Variants in INTS3 observed in about 807,000 individuals in gnomAD.
The protein encoded by INTS3 is integrator complex subunit 3.
Under a neutral mutation model 146.3 loss-of-function variants are expected in INTS3, and 34 were observed. The ratio of observed to expected loss-of-function variants is 0.23; its 90% confidence interval spans 0.18 to 0.31. INTS3 has a LOEUF of 0.31. Among genes scored for constraint, INTS3 ranks in the 10% least tolerant of loss-of-function variants. The pLI, the probability that INTS3 is intolerant of heterozygous loss-of-function variation, is 1.00. For synonymous variants in INTS3, 475 were observed against 494.9 expected (o/e 0.96, Z 0.53); for missense variants, 757 against 1,304.2 (o/e 0.58, Z 6.46).
At chr1:153,768,837 T>C in intron 21 of INTS3, 56 bp from the exon 22 acceptor site, 1 of 1,352,372 alleles carries the variant, frequency 7.4e-7, no homozygotes, top group Non-Finnish European at 1.1e-6. Flanking sequence ...GAGTGGGCTA[T>C]GGGATAAAAG....
intron 9 of INTS3, among the ~76,000 whole-genome samples, chr1:153,755,502 C>G (rs1672127237): frequency 6.6e-6 from 1 of 152,112 alleles, no homozygotes; most frequent in Non-Finnish European, 1.5e-5. Context: ...TCAGGTGATC[C>G]ACCTGCCTCA....
intron 3 of INTS3, 90 bp downstream of exon 3, chr1:153,741,458 C>T: frequency 2.1e-6 from 2 of 950,652 alleles, no homozygotes; most frequent in South Asian, 1.3e-5. Flanking sequence ...TAGTATGAAA[C>T]TCTTCGACCA....
intron 3 of INTS3, among the ~76,000 whole-genome samples, chr1:153,746,477 T>G (rs1024354244): frequency 6.6e-6 from 1 of 151,874 alleles, no homozygotes; most frequent in Non-Finnish European, 1.5e-5. Context: ...CTCCGCTCAC[T>G]GCAAACTCCG....
intron 6 of INTS3, chr1:153,750,752 G>A (rs139758937): frequency 7.2e-6 from 2 of 279,326 alleles, no homozygotes; most frequent in African/African-American, 4.4e-5. Flanking sequence ...CATGTTGCTT[G>A]GCACATGATA....
Position 153,772,053 on chromosome 1 carries a change from TG to T in INTS3, c.2720+95del. ...GTGGTGGTGGTGGTGGTGGTGGTGA[TG>T]GGGGTCAGTGCTGTCCCAGCCTGGT... On this transcript the variant is annotated intron_variant, in intron 26 of 29. Transcript: ENST00000318967. The surrounding 1 kb of genome is among the most constrained non-coding windows in gnomAD (Gnocchi z 4.6). 1 of 1,330,792 alleles carries T rather than the reference TG, an allele frequency of 7.5e-7. No homozygotes were observed. Among genetic ancestry groups the T allele is most frequent in the Non-Finnish European group, 1.0e-6 (1 of 972,480 alleles). 82.4% of individuals were successfully genotyped at this position (1,330,792 alleles called of 1,614,324 possible). A position where few individuals can be genotyped will look rare whatever the true frequency, so the allele number is the denominator to read the frequency against.
At chr1:153,752,986 C>G (rs949387467) in intron 8 of INTS3, among the ~76,000 whole-genome samples, 6 of 151,864 alleles carry the variant, frequency 4.0e-5, no homozygotes, top group African/African-American at 1.5e-4. Context: ...AGCTTTGCTC[C>G]CCACCCCACC....
chr1:153,770,574 T>C, intron 24 of INTS3, 111 bp from the exon 25 acceptor site: 1 of 924,024 alleles, frequency 1.1e-6, no homozygotes, highest in Non-Finnish European at 1.7e-6. Context: ...TGGCTCCTCA[T>C]CAAAGACTGT....
intron 3 of INTS3, among the ~76,000 whole-genome samples, chr1:153,745,230 A>C (rs1361634869): frequency 6.8e-6 from 1 of 147,606 alleles, no homozygotes; most frequent in Non-Finnish European, 1.5e-5. Context: ...GATCTTGGCT[A>C]ACTGCAACCT....
intron 9 of INTS3, among the ~76,000 whole-genome samples, chr1:153,755,371 C>G (rs1458073779): frequency 6.6e-6 from 1 of 152,138 alleles, no homozygotes; most frequent in East Asian, 1.9e-4. Context: ...TCAAGTGATT[C>G]TCCTGCCTCA....
chr1:153,771,037 GC>G (rs945565438), intron 25 of INTS3, among the ~76,000 whole-genome samples: 26 of 147,308 alleles, frequency 1.8e-4, no homozygotes, highest in African/African-American at 5.5e-4. Flanking sequence ...TCCCCGCCGC[GC>G]CCCCCCCACC....
At chr1:153,766,288 AT>A (rs1672580674) in intron 20 of INTS3, among the ~76,000 whole-genome samples, 1 of 150,024 alleles carries the variant, frequency 6.7e-6, no homozygotes, top group Non-Finnish European at 1.5e-5. Context: ...CGCCCAGCTA[AT>A]TTTTGTTTTG....
chr1:153,763,835 T>G lies in INTS3; in HGVS notation c.1770T>G (p.Asp590Glu), dbSNP rs1558006166. 8 of 1,613,700 alleles carry G rather than the reference T, an allele frequency of 5.0e-6. No homozygotes were observed. Among genetic ancestry groups the G allele is most frequent in the Non-Finnish European group, 5.1e-6 (6 of 1,179,860 alleles). Reference protein sequence around the residue: ...DKVLQLQKGSDTEAQCEVMQE... With the variant: ...DKVLQLQKGSETEAQCEVMQE... ...TCCTCTCATTTCTGTCCTGCAGTGATACGGAGGCCCAGTGTGAGGTCATGC... is the reference window on the plus strand; with the variant it reads ...TCCTCTCATTTCTGTCCTGCAGTGAGACGGAGGCCCAGTGTGAGGTCATGC... The change falls in exon 17 of 30, where the codon GAT becomes GAG. Residue 590 changes from aspartate to glutamate, a missense_variant. Coordinates refer to ENST00000318967, the MANE Select transcript of INTS3 (RefSeq NM_023015.5).
chr1:153,742,478 C>CTCTGTGTGTGTGTG (rs146023592), intron 3 of INTS3, among the ~76,000 whole-genome samples: 21 of 147,550 alleles, frequency 1.4e-4, no homozygotes, highest in African/African-American at 5.3e-4. Flanking sequence ...TTTTTAATCT[C>CTCTGTGTGTGTGTG]TGTGTGTGTG....
In INTS3 at chr1:153,760,829, C is replaced by T; in HGVS notation, c.1320C>T (p.Ile440=). 1.9e-6 allele frequency: 3 copies of T among 1,613,220 alleles called. No homozygotes were observed. The highest frequency in any genetic ancestry group is 2.5e-6 in the Non-Finnish European group (3 of 1,179,132). The change falls in exon 13 of 30, where the codon ATC becomes ATT. Residue 440 remains isoleucine (I), a splice_region_variant and synonymous_variant. Coordinates refer to ENST00000318967, the MANE Select transcript of INTS3 (RefSeq NM_023015.5). ...TTCCCCTCCTTCTTCGCTTCCAGAT[C>T]ATTCCCAACTTCTATCCACCATTGG... ...TATLLDFMCR[I]IPNFYPPLEG...
In INTS3 at chr1:153,751,171, G is replaced by A; in HGVS notation, c.661G>A (p.Gly221Arg). The change falls in exon 7 of 30, where the codon GGG becomes AGG. Residue 221 changes from glycine (G) to arginine (R), a missense_variant. Coordinates refer to ENST00000318967, the MANE Select transcript of INTS3 (RefSeq NM_023015.5). ...TYLRLIVDHH[G>R]TAQLQALRQK... Reference sequence around the variant, plus strand: ...CCTCCGCCTCATCGTGGACCACCATGGGACTGCCCAGCTCCAGGCCCTGCG... The same window carrying A: ...CCTCCGCCTCATCGTGGACCACCATAGGACTGCCCAGCTCCAGGCCCTGCG... 1 of 1,614,172 alleles carries A rather than the reference G, an allele frequency of 6.2e-7. No individual in the cohort carries two copies. The highest frequency in any genetic ancestry group is 8.5e-7 in the Non-Finnish European group (1 of 1,180,032).
rs952116653 is a variant in INTS3, at chr1:153,773,896, T to A, written c.*626T>A. 4 of 166,354 alleles carry A rather than the reference T, an allele frequency of 2.4e-5. No homozygotes were observed. The highest frequency in any genetic ancestry group is 7.3e-5 in the African/African-American group (3 of 41,054). 10.3% of individuals were successfully genotyped at this position (166,354 alleles called of 1,614,324 possible). ...TGTGCCCTGGAGGCTTAGGTTGGTC[T>A]GAGGTTGGCACCTCAATCTACACCA... is the stretch of plus-strand genomic sequence containing the variant. On this transcript the variant is annotated 3_prime_UTR_variant, in exon 30 of 30. Coordinates refer to ENST00000318967, the MANE Select transcript of INTS3 (RefSeq NM_023015.5).
chr1:153,769,905 G>A, intron 23 of INTS3, 61 bp downstream of exon 23: 1 of 1,197,730 alleles, frequency 8.3e-7, no homozygotes, highest in Admixed American at 1.7e-5. Flanking sequence ...TCAGTCCTGT[G>A]TATTTTACAC....
chr1:153,729,022 T>C (rs899064568), intron 1 of INTS3, among the ~76,000 whole-genome samples: 1 of 152,256 alleles, frequency 6.6e-6, no homozygotes, highest in African/African-American at 2.4e-5. Context: ...GGGGTGTTGG[T>C]GAAGGAAGGG....
At chr1:153,747,146 A>C (rs2101798264) in intron 4 of INTS3, 76 bp downstream of exon 4, 2 of 1,319,032 alleles carry the variant, frequency 1.5e-6, no homozygotes, top group South Asian at 2.4e-5. Context: ...AACGGGAAAG[A>C]GGAATCAGGG....
Sources: allele counts gnomAD v4.1 joint callset (sites outside exome capture counted in the v4.1 genomes callset), GRCh38; gene constraint gnomAD v4.1.1; non-coding constraint Gnocchi (gnomAD v3.1); transcripts MANE v1.5; gene names NCBI Gene and HGNC (gene_info 2026-07-23, HGNC 2026-07-21).